The following TPM2 variants were observed in gnomAD, a reference collection of about 807,000 sequenced individuals.
The protein encoded by TPM2 is tropomyosin beta chain.
TPM2 carries 26 observed loss-of-function variants against 41.0 expected under a neutral mutation model. The observed-to-expected ratio is 0.63, with a 90% CI of 0.46 to 0.88. The LOEUF (loss-of-function observed/expected upper bound fraction) is 0.88, where lower values mean the gene tolerates loss of function less well. Ranked by LOEUF, TPM2 falls within the 40% of genes least tolerant of loss-of-function variation. The pLI, the probability that TPM2 is intolerant of heterozygous loss-of-function variation, is 0.00. For missense variants in TPM2, 187 were observed against 355.2 expected, an observed-to-expected ratio of 0.53 and a Z score of 3.81; for synonymous variants, 143 against 139.3, an observed-to-expected ratio of 1.03 and a Z score of -0.19.
At chr9:35,684,989 C>T in intron 5 of TPM2, 182 bp from the exon 6 acceptor site, 1 of 1,613,936 alleles carries the variant, frequency 6.2e-7, no homozygotes, top group South Asian at 1.1e-5. Flanking sequence ...AAAGAGCAGC[C>T]TGCGGTGCTG....
At chr9:35,682,256 G>A (rs1824606350), downstream of TPM2, 3 of 1,363,468 alleles carry the variant, frequency 2.2e-6, no homozygotes, top group East Asian at 2.4e-5. Flanking sequence ...TAGACATGGA[G>A]TGGGTCAAGG....
downstream of TPM2, chr9:35,682,084 C>T: frequency 2.5e-6 from 4 of 1,613,956 alleles, no homozygotes; most frequent in Non-Finnish European, 3.4e-6. Flanking sequence ...CTGGCCCTCA[C>T]AGGTTGTTGA....
At chr9:35,687,898 T>C (rs1377965915) in intron 2 of TPM2, among the ~76,000 whole-genome samples, 1 of 152,092 alleles carries the variant, frequency 6.6e-6, no homozygotes, top group Non-Finnish European at 1.5e-5. Flanking sequence ...GGACAGGCAC[T>C]ACTGTCCCCA....
chr9:35,684,464 TG>T, intron 7 of TPM2, 23 bp downstream of exon 7: 1 of 1,614,116 alleles, frequency 6.2e-7, no homozygotes, highest in Non-Finnish European at 8.5e-7. Flanking sequence ...GAGGGGAGAC[TG>T]GGAACTGGAA....
upstream of TPM2, chr9:35,689,993 C>G (rs1227704542): frequency 6.8e-7 from 1 of 1,465,170 alleles, no homozygotes; most frequent in Non-Finnish European, 9.0e-7. Flanking sequence ...AACCAGGACC[C>G]TCCCCCACCT....
At chr9:35,684,831 G>A (rs1237882604) in intron 5 of TPM2, 24 bp from the exon 6 acceptor site, 1 of 1,613,680 alleles carries the variant, frequency 6.2e-7, no homozygotes, top group African/African-American at 1.3e-5. Flanking sequence ...GTGGCGGGGG[G>A]GGCAGGGTGT....
At position 35,685,380 on chromosome 9, in the gene TPM2, G is replaced by A; in HGVS notation, c.493-41C>T. On this transcript the variant is annotated intron_variant, in intron 4 of 8. Transcript: ENST00000645482. The surrounding 1 kb of genome is among the most constrained non-coding windows in gnomAD (Gnocchi z 5.0). ...AAGAGAGGGTAGATCAGTGGAGAAG[G>A]ACTGGGCATGTTGCAGGCTGGGCAG... is the stretch of plus-strand genomic sequence containing the variant. 1 of 1,614,106 alleles carries A rather than the reference G, an allele frequency of 6.2e-7. No homozygotes were observed. Among genetic ancestry groups the A allele is most frequent in the Non-Finnish European group, 8.5e-7 (1 of 1,180,000 alleles).
downstream of TPM2, chr9:35,682,744 T>A (rs535210800): frequency 2.3e-5 from 30 of 1,318,054 alleles, 1 homozygote; most frequent in South Asian, 3.5e-4. Context: ...CCACATGCAG[T>A]GGTGAATCAG....
intron 5 of TPM2, 109 bp from the exon 6 acceptor site, chr9:35,684,916 T>A: frequency 6.2e-7 from 1 of 1,609,968 alleles, no homozygotes; most frequent in Non-Finnish European, 8.5e-7. Context: ...AGAGCAAAGT[T>A]GTGAGAGTGA....
chr9:35,682,048 C>G, downstream of TPM2: 1 of 1,612,034 alleles, frequency 6.2e-7, no homozygotes, highest in Non-Finnish European at 8.5e-7. Context: ...GTTGGGGTGG[C>G]AACCATAGCC....
At chr9:35,689,953 A>G (rs3793539), upstream of TPM2, 1 of 1,563,752 alleles carries the variant, frequency 6.4e-7, no homozygotes, top group Admixed American at 1.8e-5. Context: ...CGGGCGCCTA[A>G]AAGGCGGGGA....
intron 2 of TPM2, among the ~76,000 whole-genome samples, chr9:35,687,203 C>T (rs1431286906): frequency 6.6e-6 from 1 of 152,168 alleles, no homozygotes; most frequent in South Asian, 2.1e-4. Context: ...TCTCTTACTC[C>T]ATGCTAGATC....
chr9:35,689,146 A>C lies in TPM2; in HGVS notation c.240T>G (p.Asp80Glu). The C allele has an allele frequency of 6.2e-7, 1 of 1,614,064 alleles. No homozygotes were observed. Among genetic ancestry groups the C allele is most frequent in the Non-Finnish European group, 8.5e-7 (1 of 1,179,986 alleles). Residue 80 changes from aspartate to glutamate, a missense_variant and splice_region_variant, in exon 2 of 9, where the codon GAT becomes GAG. Asp to Glu is a conservative substitution (Grantham distance 45, BLOSUM62 2). Coordinates refer to ENST00000645482, the MANE Select transcript of TPM2 (RefSeq NM_003289.4). ...CATTGTCCCCCAAGTCCACACTCAC[A>C]TCAGTGGCCTTCTTCTCGGCCTGCT... ...KLEQAEKKAT[D>E]AEADVASLNR...
downstream of TPM2, chr9:35,682,436 G>T: frequency 1.6e-6 from 2 of 1,288,236 alleles, no homozygotes; most frequent in Non-Finnish European, 2.0e-6. Flanking sequence ...TCTTTAGAAG[G>T]TTTAAGGAAG....
Position 35,685,156 on chromosome 9 carries a change from G to A in TPM2, c.563+113C>T. 2.5e-6 allele frequency: 4 copies of A among 1,614,192 alleles called. No individual in the cohort carries two copies. Among genetic ancestry groups the A allele is most frequent in the Non-Finnish European group, 2.5e-6 (3 of 1,180,030 alleles). On this transcript the variant is annotated intron_variant, in intron 5 of 8. Coordinates refer to ENST00000645482, the MANE Select transcript of TPM2 (RefSeq NM_003289.4). This position sits in a 1 kb window ranked among gnomAD's most constrained non-coding sequence, Gnocchi z 5.0. Reference sequence around the variant, plus strand: ...CTGGCTCGGCTGGGGGCAGCGGGCAGGGGTCAGAGAACAGGGCCTGTCCCT... The same window carrying A: ...CTGGCTCGGCTGGGGGCAGCGGGCAAGGGTCAGAGAACAGGGCCTGTCCCT...
chr9:35,683,787 T>C (rs1208880304), intron 8 of TPM2, among the ~76,000 whole-genome samples: 4 of 152,378 alleles, frequency 2.6e-5, no homozygotes, highest in Admixed American at 6.5e-5. Context: ...AGTGCTGTCA[T>C]GCAGACCTAG....
At position 35,685,263 on chromosome 9, in the gene TPM2, C is replaced by T. The variant is rs1824831677; in HGVS notation, c.563+6G>A. 6.2e-7 allele frequency: 1 copy of T among 1,614,082 alleles called. No individual in the cohort carries two copies. Among genetic ancestry groups the T allele is most frequent in the South Asian group, 1.1e-5 (1 of 91,092 alleles). On this transcript the variant is annotated splice_donor_region_variant and intron_variant, in intron 5 of 8. Coordinates refer to ENST00000645482, the MANE Select transcript of TPM2 (RefSeq NM_003289.4). The surrounding 1 kb of genome is among the most constrained non-coding windows in gnomAD (Gnocchi z 5.0). ...GGGCTCACTTGTCACCCCCGGGTAT[C>T]TTTACCTCTCGGCCACCTCAGCCCT... is the stretch of plus-strand genomic sequence containing the variant.
Position 35,683,115 on chromosome 9 carries a change from G to A in TPM2, c.*44C>T, listed in dbSNP as rs1416496676. On this transcript the variant is annotated 3_prime_UTR_variant, in exon 9 of 9. Transcript: ENST00000645482. ...CCCCTCCCCATAGAGAGAATGGAAAGGAGAGGAGAGAAGAGAGCTGAGGTG... is the reference window on the plus strand; with the variant it reads ...CCCCTCCCCATAGAGAGAATGGAAAAGAGAGGAGAGAAGAGAGCTGAGGTG... 1.9e-6 allele frequency: 3 copies of A among 1,551,786 alleles called. No individual in the cohort carries two copies. In the East Asian group the frequency reaches 7.3e-5, roughly 38 times the overall value.
Position 35,685,696 on chromosome 9 carries a change from C to T in TPM2, c.325G>A (p.Ala109Thr). 1.9e-6 allele frequency: 3 copies of T among 1,614,188 alleles called. No individual in the cohort carries two copies. Among genetic ancestry groups the T allele is most frequent in the Non-Finnish European group, 2.5e-6 (3 of 1,180,034 alleles). Reference protein sequence around the residue: ...LDRAQERLATALQKLEEAEKA... With the variant: ...LDRAQERLATTLQKLEEAEKA... The stretch of plus-strand genomic sequence containing the variant: ...TCGGCCTCCTCCAGCTTCTGCAGGG[C>T]TGTAGCCAGGCGCTCCTGGGCCCGG... The change falls in exon 3 of 9, where the codon GCC becomes ACC. Residue 109 changes from alanine to threonine, a missense_variant. Physicochemically the swap from Ala to Thr is moderately conservative, Grantham distance 58. Transcript: ENST00000645482. The surrounding 1 kb of genome is among the most constrained non-coding windows in gnomAD (Gnocchi z 5.0).
Sources: allele counts gnomAD v4.1 joint callset (sites outside exome capture counted in the v4.1 genomes callset), GRCh38; gene constraint gnomAD v4.1.1; non-coding constraint Gnocchi (gnomAD v3.1); transcripts MANE v1.5; gene names NCBI Gene and HGNC (gene_info 2026-07-23, HGNC 2026-07-21).